The following DDIT3 variants were observed in gnomAD, a reference collection of about 807,000 sequenced individuals.
DDIT3 encodes the protein DNA damage-inducible transcript 3 protein.
DDIT3 carries 14 observed loss-of-function variants against 17.6 expected under a neutral mutation model. The ratio of observed to expected loss-of-function variants is 0.80; its 90% CI spans 0.53 to 1.25. The LOEUF is 1.25. DDIT3 is among the 50% of genes most tolerant of loss of function. The pLI, the probability that DDIT3 is intolerant of heterozygous loss-of-function variation, is 0.00. For synonymous variants in DDIT3, 93 were observed against 76.5 expected (o/e 1.22, Z -1.13); for missense variants, 216 against 202.7 (o/e 1.07, Z -0.40).
Position 57,517,388 on chromosome 12 carries a change from G to C in DDIT3, c.19C>G (p.Pro7Ala). The C allele has an allele frequency of 6.2e-7, 1 of 1,610,910 alleles. No individual in the cohort carries two copies. Among genetic ancestry groups the C allele is most frequent in the East Asian group, 2.2e-5 (1 of 44,886 alleles). ...CTGGACAGTGTCCCGAAGGAGAAAG[G>C]CAATGACTCAGCTGCCATCTCTGCA... MAAESL[P>A]FSFGTLSSWE... The change falls in exon 3 of 4, where the codon CCT (proline) becomes GCT (alanine). Residue 7 changes from proline to alanine, a missense_variant. Coordinates refer to ENST00000346473, the MANE Select transcript of DDIT3 (RefSeq NM_004083.6).
chr12:57,517,552 A>G, intron 2 of DDIT3, 114 bp from the exon 3 acceptor site: 1 of 1,090,968 alleles, frequency 9.2e-7, no homozygotes, highest in Non-Finnish European at 1.4e-6. Context: ...ACTGGAATAC[A>G]GCCACATCTG....
Position 57,517,012 on chromosome 12 carries a change from T to C in DDIT3, c.307A>G (p.Arg103Gly). Reference sequence around the variant, plus strand: ...GAATGACCACTCTGTTTCCGTTTCCTGGTTCTCCCTTGGTCTTCCTCCTCT... The same window carrying C: ...GAATGACCACTCTGTTTCCGTTTCCCGGTTCTCCCTTGGTCTTCCTCCTCT... ...EEEEEDQGRT[R>G]KRKQSGHSPA... The change falls in exon 4 of 4, where the codon AGG (arginine) becomes GGG (glycine). Residue 103 changes from arginine to glycine, a missense_variant. Transcript: ENST00000346473. 2 of 1,614,190 alleles carry C rather than the reference T, an allele frequency of 1.2e-6. No individual in the cohort carries two copies. The highest frequency in any genetic ancestry group is 1.7e-6 in the Non-Finnish European group (2 of 1,180,022).
chr12:57,516,669 C>T lies in DDIT3; in HGVS notation c.*140G>A, dbSNP rs1026911431. The T allele has an allele frequency of 3.7e-5, 56 of 1,521,272 alleles. No homozygotes were observed. Among genetic ancestry groups the T allele is most frequent in the Non-Finnish European group, 4.7e-5 (53 of 1,136,510 alleles). The allele number at this position is 1,521,272 out of a possible 1,614,324, so 94.2% of individuals were successfully genotyped here. On this transcript the variant is annotated 3_prime_UTR_variant, in exon 4 of 4. Coordinates refer to ENST00000346473, the MANE Select transcript of DDIT3 (RefSeq NM_004083.6). ...CTCTATATACAAGCTGAGACCTTTC[C>T]TTTTGTCTACTCCAAGCCTTCCCCC...
chr12:57,520,367 C>T, intron 1 of DDIT3, 51 bp downstream of exon 1: 4 of 398,594 alleles, frequency 1.0e-5, no homozygotes, highest in Non-Finnish European at 1.8e-5. Context: ...AGCGGACGCC[C>T]CAACTTTGAG....
Position 57,517,271 on chromosome 12 carries a change from C to G in DDIT3, c.136G>C (p.Glu46Gln). 3 of 1,614,088 alleles carry G rather than the reference C, an allele frequency of 1.9e-6. No individual in the cohort carries two copies. The highest frequency in any genetic ancestry group is 2.5e-6 in the Non-Finnish European group (3 of 1,179,998). Residue 46 changes from glutamate to glutamine, a missense_variant and splice_region_variant, in exon 3 of 4, where the codon GAG becomes CAG. Physicochemically the swap from Glu to Gln is conservative, Grantham distance 29 (BLOSUM62 2). Transcript: ENST00000346473. ...GTYVSPPGNE[E>Q]EESKIFTTLD... is the part of the protein sequence containing the mutation. ...AGCTTTAGGGCTAACATTCTTACCTCTTCATTTCCAGGAGGTGAAACATAG... is the reference window on the plus strand; with the variant it reads ...AGCTTTAGGGCTAACATTCTTACCTGTTCATTTCCAGGAGGTGAAACATAG...
Position 57,517,063 on chromosome 12 carries a change from T to G in DDIT3, c.256A>C (p.Ser86Arg). Residue 86 changes from serine to arginine, a missense_variant, in exon 4 of 4, where the codon AGT (serine) becomes CGT (arginine). Physicochemically the swap from Ser to Arg is moderately radical, Grantham distance 110 (BLOSUM62 -1). Coordinates refer to ENST00000346473, the MANE Select transcript of DDIT3 (RefSeq NM_004083.6). ...TCCTCCTGAGCCAGGGAGCTCTGAC[T>G]GGAATCTGGAGAGTGAGGGCTCTGG... ...TSQSPHSPDS[S>R]QSSLAQEEEE... The G allele has an allele frequency of 6.2e-7, 1 of 1,614,160 alleles. No homozygotes were observed. The highest frequency in any genetic ancestry group is 1.6e-4 in the Middle Eastern group (1 of 6,062).
In DDIT3 at chr12:57,517,300, C is replaced by G. The variant is rs1349078281; in HGVS notation, c.107G>C (p.Gly36Ala). ...ATTTCCAGGAGGTGAAACATAGGTA[C>G]CCCCATTTTCATCTGAAGACAGGAC... ...QEVLSSDENGGTYVSPPGNEE... is the reference protein window; with the variant it reads ...QEVLSSDENGATYVSPPGNEE... Residue 36 changes from glycine (G) to alanine (A), a missense_variant, in exon 3 of 4, where the codon GGT (glycine) becomes GCT (alanine). By Grantham distance (60) the Gly-to-Ala change is moderately conservative. Transcript: ENST00000346473. The G allele has an allele frequency of 1.2e-6, 2 of 1,614,054 alleles. No individual in the cohort carries two copies. The highest frequency in any genetic ancestry group is 2.7e-5 in the African/African-American group (2 of 75,026).
At position 57,517,732 on chromosome 12, in the gene DDIT3, A is replaced by C; in HGVS notation, c.-59T>G. 3.8e-6 allele frequency: 2 copies of C among 521,438 alleles called. No homozygotes were observed. Among genetic ancestry groups the C allele is most frequent in the Non-Finnish European group, 6.8e-6 (2 of 295,484 alleles). 32.3% of individuals were successfully genotyped at this position (521,438 alleles called of 1,614,324 possible). ...TGCTTTCAGGTGTGGTGATGTATGA[A>C]GATACACTTCCTTCTTGAACACTGT... On this transcript the variant is annotated 5_prime_UTR_variant, in exon 2 of 4. Transcript: ENST00000346473.
In DDIT3 at chr12:57,516,884, G is replaced by C; in HGVS notation, c.435C>G (p.Ile145Met). ...AEENERLKQE[I>M]ERLTREVEAT... Reference sequence around the variant, plus strand: ...CCTCTACTTCCCTGGTCAGGCGCTCGATTTCCTGCTTGAGCCGTTCATTCT... The same window carrying C: ...CCTCTACTTCCCTGGTCAGGCGCTCCATTTCCTGCTTGAGCCGTTCATTCT... The change falls in exon 4 of 4, where the codon ATC becomes ATG. Residue 145 changes from isoleucine to methionine, a missense_variant. By Grantham distance (10) the Ile-to-Met change is conservative (BLOSUM62 1). Transcript: ENST00000346473. 1 of 1,613,934 alleles carries C rather than the reference G, an allele frequency of 6.2e-7. No individual in the cohort carries two copies. The highest frequency in any genetic ancestry group is 8.5e-7 in the Non-Finnish European group (1 of 1,180,030).
At chr12:57,517,636 G>T in intron 2 of DDIT3, 70 bp downstream of exon 2, 1 of 624,610 alleles carries the variant, frequency 1.6e-6, no homozygotes, top group South Asian at 2.0e-5. Flanking sequence ...GAGACTATAG[G>T]ACTTTTAACA....
rs1260515241 is a variant in DDIT3, at chr12:57,517,174, AT to A, written c.144del (p.Glu48AspfsTer16). 6.2e-7 allele frequency: 1 copy of A among 1,606,452 alleles called. No individual in the cohort carries two copies. Among genetic ancestry groups the A allele is most frequent in the African/African-American group, 1.3e-5 (1 of 74,518 alleles). ...GGGTCAAGAGTGGTGAAGATTTTTG[AT>A]TCTTCCTTCAAGGAAATGAGGAAAG... is the stretch of plus-strand genomic sequence containing the variant. ...YVSPPGNEEEESKIFTTLDPA... is the reference protein window; with the variant it reads ...YVSPPGNEEEXSKIFTTLDPA... On this transcript the variant is annotated frameshift_variant, in exon 4 of 4. Coordinates refer to ENST00000346473, the MANE Select transcript of DDIT3 (RefSeq NM_004083.6). LOFTEE classifies it high-confidence loss of function.
intron 1 of DDIT3, among the ~76,000 whole-genome samples, chr12:57,518,361 A>T (rs1333968079): frequency 6.6e-6 from 1 of 152,238 alleles, no homozygotes; most frequent in Admixed American, 6.5e-5. Context: ...AGGGAAGGGA[A>T]CAAATCATAG....
intron 3 of DDIT3, 37 bp from the exon 4 acceptor site, chr12:57,517,217 T>A (rs559101202): frequency 6.2e-7 from 1 of 1,611,474 alleles, no homozygotes; most frequent in Admixed American, 1.7e-5. Context: ...TAGATATTAG[T>A]TGAGAAGGGA....
rs371881995 is a variant in DDIT3 at position 57,517,042 on chromosome 12, C to T, written c.277G>A (p.Glu93Lys). The change falls in exon 4 of 4, where the codon GAG becomes AAG. Residue 93 changes from glutamate (E) to lysine (K), a missense_variant. By Grantham distance (56) the Glu-to-Lys change is moderately conservative. Coordinates refer to ENST00000346473, the MANE Select transcript of DDIT3 (RefSeq NM_004083.6). ...CTCCCTTGGTCTTCCTCCTCTTCCT[C>T]CTGAGCCAGGGAGCTCTGACTGGAA... The part of the protein sequence containing the change: ...PDSSQSSLAQ[E>K]EEEEDQGRTR... 1 of 1,614,166 alleles carries T rather than the reference C, an allele frequency of 6.2e-7. No homozygotes were observed. The highest frequency in any genetic ancestry group is 8.5e-7 in the Non-Finnish European group (1 of 1,180,026).
In DDIT3 at chr12:57,517,480, C is replaced by T. The variant is rs761842282; in HGVS notation, c.-32-42G>A. 3 of 1,597,838 alleles carry T rather than the reference C, an allele frequency of 1.9e-6. No homozygotes were observed. The South Asian group carries it at 3.3e-5, about 18-fold the overall frequency. ...AGTGGCTGGAACAAGCTCCATGTAGCAAACAGTCTATGCCACAAGTTGGCA... is the reference window on the plus strand; with the variant it reads ...AGTGGCTGGAACAAGCTCCATGTAGTAAACAGTCTATGCCACAAGTTGGCA... On this transcript the variant is annotated intron_variant, in intron 2 of 3. Transcript: ENST00000346473.
Position 57,517,183 on chromosome 12 carries a change from T to A in DDIT3, c.139-3A>T, listed in dbSNP as rs1338847784. ...GTGGTGAAGATTTTTGATTCTTCCTTCAAGGAAATGAGGAAAGGGAACATA... is the reference window on the plus strand; with the variant it reads ...GTGGTGAAGATTTTTGATTCTTCCTACAAGGAAATGAGGAAAGGGAACATA... On this transcript the variant is annotated splice_region_variant and splice_polypyrimidine_tract_variant and intron_variant, in intron 3 of 3. Coordinates refer to ENST00000346473, the MANE Select transcript of DDIT3 (RefSeq NM_004083.6). 1.2e-6 allele frequency: 2 copies of A among 1,607,058 alleles called. No homozygotes were observed. Among genetic ancestry groups the A allele is most frequent in the East Asian group, 4.5e-5 (2 of 44,748 alleles).
In DDIT3 at chr12:57,517,147, C is replaced by T. The variant is rs769850432; in HGVS notation, c.172G>A (p.Ala58Thr). ...TCCTCAGTCAGCCAAGCCAGAGAAG[C>T]AGGGTCAAGAGTGGTGAAGATTTTT... ...ESKIFTTLDP[A>T]SLAWLTEEEP... Residue 58 changes from alanine (A) to threonine (T), a missense_variant, in exon 4 of 4, where the codon GCT (alanine) becomes ACT (threonine). Coordinates refer to ENST00000346473, the MANE Select transcript of DDIT3 (RefSeq NM_004083.6). 6.2e-7 allele frequency: 1 copy of T among 1,611,534 alleles called. No homozygotes were observed. The highest frequency in any genetic ancestry group is 1.7e-5 in the Admixed American group (1 of 59,752).
rs778826051 is a variant in DDIT3, at chr12:57,516,908, C to G, written c.411G>C (p.Glu137Asp). 1 of 1,614,114 alleles carries G rather than the reference C, an allele frequency of 6.2e-7. No homozygotes were observed. The highest frequency in any genetic ancestry group is 1.1e-5 in the South Asian group (1 of 91,086). The change falls in exon 4 of 4, where the codon GAG (glutamate) becomes GAC (aspartate). Residue 137 changes from glutamate to aspartate, a missense_variant. Glu to Asp is a conservative substitution (Grantham distance 45). Transcript: ENST00000346473. The stretch of plus-strand genomic sequence containing the variant: ...CGATTTCCTGCTTGAGCCGTTCATT[C>G]TCTTCAGCTAGCTGTGCCACTTTCC... ...NERKVAQLAE[E>D]NERLKQEIER...
At chr12:57,517,601 G>C in intron 2 of DDIT3, 105 bp downstream of exon 2, 1 of 718,940 alleles carries the variant, frequency 1.4e-6, no homozygotes, top group Non-Finnish European at 2.4e-6. Flanking sequence ...TGGTGCTACA[G>C]TGGCAGAGAT....
Sources: allele counts gnomAD v4.1 joint callset (sites outside exome capture counted in the v4.1 genomes callset), GRCh38; gene constraint gnomAD v4.1.1; transcripts MANE v1.5; gene names NCBI Gene and HGNC (gene_info 2026-07-23, HGNC 2026-07-21).